NXPE2: variants seen among roughly 807,000 people sequenced by gnomAD.
NXPE2 encodes neurexophilin and PC-esterase domain family member 2, also known as NXPE family member 2.
NXPE2 carries 34 observed loss-of-function variants against 34.4 expected under a neutral mutation model. The observed-to-expected ratio is 0.99, with a 90% CI of 0.75 to 1.31. NXPE2 has a LOEUF of 1.31. NXPE2 is among the 40% of genes most tolerant of loss of function. NXPE2 has a pLI of 0.00. For synonymous variants in NXPE2, 235 were observed against 231.3 expected, an observed-to-expected ratio of 1.02 and a Z score of -0.15; for missense variants, 649 against 672.5, an observed-to-expected ratio of 0.97 and a Z score of 0.39.
chr11:114,759,186 C>T, the NXPE2 span, among the ~76,000 whole-genome samples: 1 of 152,324 alleles, frequency 6.6e-6, no homozygotes, highest in South Asian at 2.1e-4. Context: ...ATTTCACCCA[C>T]ACAGAAGTCT....
the NXPE2 span, among the ~76,000 whole-genome samples, chr11:114,667,718 G>T: frequency 2.0e-5 from 3 of 152,020 alleles, no homozygotes. Flanking sequence ...AAGAACTGAG[G>T]CCTCCTGACA....
At chr11:114,719,651 A>G in the NXPE2 span, among the ~76,000 whole-genome samples, 1 of 152,278 alleles carries the variant, frequency 6.6e-6, no homozygotes, top group Admixed American at 6.5e-5. Context: ...CTGCAGAAGC[A>G]GCTGTCGCCA....
the NXPE2 span, among the ~76,000 whole-genome samples, chr11:114,753,446 A>G: frequency 6.6e-6 from 1 of 152,220 alleles, no homozygotes; most frequent in Non-Finnish European, 1.5e-5. Flanking sequence ...ATAGTAAAAT[A>G]TTAATGTGAA....
the NXPE2 span, among the ~76,000 whole-genome samples, chr11:114,631,484 G>A: frequency 1.4e-5 from 2 of 140,968 alleles, no homozygotes; most frequent in African/African-American, 2.7e-5. Flanking sequence ...GAGAACACAT[G>A]GACACAGGAA....
chr11:114,495,136 A>G, the NXPE2 span, among the ~76,000 whole-genome samples: 4 of 152,114 alleles, frequency 2.6e-5, no homozygotes, highest in Admixed American at 1.3e-4. Flanking sequence ...TGTGGCCACC[A>G]CCAGTGGGAC....
chr11:114,511,417 T>G, the NXPE2 span, among the ~76,000 whole-genome samples: 44 of 152,296 alleles, frequency 2.9e-4, 1 homozygote, highest in East Asian at 7.7e-3. Flanking sequence ...GAAAGTCACA[T>G]GTCAAGGAGG....
At chr11:114,637,680 A>G in the NXPE2 span, among the ~76,000 whole-genome samples, 6 of 150,614 alleles carry the variant, frequency 4.0e-5, no homozygotes, top group South Asian at 1.3e-3. Context: ...ATCTCTCAGC[A>G]TTTGCTTGTC....
At chr11:114,611,152 G>A in the NXPE2 span, among the ~76,000 whole-genome samples, 42 of 151,560 alleles carry the variant, frequency 2.8e-4, no homozygotes, top group Admixed American at 6.6e-4. Flanking sequence ...CTGTTACCCG[G>A]AGGATAATAA....
At chr11:114,781,547 G>A in the NXPE2 span, among the ~76,000 whole-genome samples, 4 of 152,134 alleles carry the variant, frequency 2.6e-5, no homozygotes, top group African/African-American at 9.7e-5. Flanking sequence ...AGATAAAAGG[G>A]AAAGGCCATC....
chr11:114,511,147 A>G, the NXPE2 span, among the ~76,000 whole-genome samples: 1 of 152,150 alleles, frequency 6.6e-6, no homozygotes, highest in Non-Finnish European at 1.5e-5. Flanking sequence ...TAGGGTGGCA[A>G]TATGCTTACT....
the NXPE2 span, among the ~76,000 whole-genome samples, chr11:114,715,900 G>C: frequency 6.6e-6 from 1 of 152,086 alleles, no homozygotes; most frequent in Non-Finnish European, 1.5e-5. Context: ...CACCTAAGTA[G>C]CTGTTTAAAA....
the NXPE2 span, among the ~76,000 whole-genome samples, chr11:114,511,818 C>T: frequency 4.6e-5 from 7 of 152,136 alleles, no homozygotes; most frequent in African/African-American, 1.7e-4. Flanking sequence ...CACCTCATCT[C>T]TCTCCTGCTC....
At chr11:114,704,155 T>A (rs144292103) in intron 4 of NXPE2, 103 bp downstream of exon 4, 5 of 828,458 alleles carry the variant, frequency 6.0e-6, no homozygotes, top group Non-Finnish European at 9.6e-6. Flanking sequence ...GATCTCTCAT[T>A]TCCTGGGACA....
intron 2 of NXPE2, among the ~76,000 whole-genome samples, chr11:114,681,323 A>G (rs944794197): frequency 2.6e-5 from 4 of 152,232 alleles, no homozygotes; most frequent in African/African-American, 7.2e-5. Context: ...ACAGGATATC[A>G]TGTTTGTGTT....
chr11:114,730,699 A>G, the NXPE2 span, among the ~76,000 whole-genome samples: 2 of 151,938 alleles, frequency 1.3e-5, no homozygotes, highest in African/African-American at 4.8e-5. Flanking sequence ...TCTCAGCTTG[A>G]ATGTTATTGG....
the NXPE2 span, among the ~76,000 whole-genome samples, chr11:114,660,810 T>G: frequency 6.6e-6 from 1 of 152,204 alleles, no homozygotes; most frequent in African/African-American, 2.4e-5. Flanking sequence ...CAACTACATA[T>G]TTTCACAGCC....
At chr11:114,467,214 T>C in the NXPE2 span, among the ~76,000 whole-genome samples, 1 of 152,236 alleles carries the variant, frequency 6.6e-6, no homozygotes, top group Non-Finnish European at 1.5e-5. Flanking sequence ...ATTTAACTTA[T>C]TAATCTATAA....
At chr11:114,635,503 T>G in the NXPE2 span, among the ~76,000 whole-genome samples, 14 of 152,042 alleles carry the variant, frequency 9.2e-5, no homozygotes, top group African/African-American at 3.4e-4. Flanking sequence ...AGCACTCTGA[T>G]GAATAGGAGT....
chr11:114,576,026 C>T, the NXPE2 span, among the ~76,000 whole-genome samples: 1 of 151,922 alleles, frequency 6.6e-6, no homozygotes, highest in African/African-American at 2.4e-5. Flanking sequence ...GAACAGAATA[C>T]AGAACCCAGA....
Sources: allele counts gnomAD v4.1 joint callset (sites outside exome capture counted in the v4.1 genomes callset), GRCh38; gene constraint gnomAD v4.1.1; transcripts MANE v1.5; gene names NCBI Gene and HGNC (gene_info 2026-07-23, HGNC 2026-07-21).